Variants in USP15 observed in about 807,000 individuals in gnomAD.
USP15 encodes ubiquitin specific peptidase 15.
Under a neutral mutation model 127.1 loss-of-function variants are expected in USP15, and 18 were observed. The observed-to-expected ratio is 0.14, with a 90% confidence interval of 0.10 to 0.21. USP15 has a LOEUF of 0.21. Among genes scored for constraint, USP15 ranks in the 10% least tolerant of loss-of-function variants. USP15 has a pLI of 1.00. For missense variants in USP15, 805 were observed against 1,159.9 expected, an observed-to-expected ratio of 0.69 and a Z score of 4.44; for synonymous variants, 364 against 393.7, an observed-to-expected ratio of 0.92 and a Z score of 0.89.
intron 8 of USP15, among the ~76,000 whole-genome samples, chr12:62,360,977 T>G (rs35634758): frequency 0.45 from 67,862 of 151,576 alleles, 16,133 homozygotes; most frequent in African/African-American, 0.59. Flanking sequence ...AAAAAAAATG[T>G]AAACAACCTT....
chr12:62,302,970 C>G, intron 3 of USP15, 50 bp downstream of exon 3: 3 of 1,552,766 alleles, frequency 1.9e-6, no homozygotes, highest in Non-Finnish European at 2.6e-6. Context: ...TTGATTAGTT[C>G]ACATTTTATT....
chr12:62,307,361 TTTC>T (rs2064516199), intron 3 of USP15, among the ~76,000 whole-genome samples: 1 of 152,172 alleles, frequency 6.6e-6, no homozygotes, highest in Non-Finnish European at 1.5e-5. Context: ...AGTCAAGGAA[TTTC>T]TAGTATTTGT....
intron 7 of USP15, among the ~76,000 whole-genome samples, chr12:62,353,569 T>C (rs751758233): frequency 5.9e-5 from 9 of 152,034 alleles, no homozygotes; most frequent in Non-Finnish European, 8.8e-5. Flanking sequence ...CAGAAGTTTT[T>C]TCTTCTCTGT....
intron 1 of USP15, among the ~76,000 whole-genome samples, chr12:62,268,728 A>G (rs560502802): frequency 6.6e-6 from 1 of 152,126 alleles, no homozygotes; most frequent in Non-Finnish European, 1.5e-5. Context: ...TTTAAAATAT[A>G]TATGTATATA....
rs897543304 is a variant in USP15 at position 62,415,114 on chromosome 12, G to A, written c.*10739G>A. 6.6e-6 allele frequency: 1 copy of A among 152,078 alleles called. No homozygotes were observed. Among genetic ancestry groups the A allele is most frequent in the Non-Finnish European group, 1.5e-5 (1 of 68,012 alleles). 9.4% of individuals were successfully genotyped at this position (152,078 alleles called of 1,614,324 possible). ...GGCTGGAGACCCAGGAATGCCAATGGTGTAGTTCAAGTCCGAGTCCAAAGG... is the reference window on the plus strand; with the variant it reads ...GGCTGGAGACCCAGGAATGCCAATGATGTAGTTCAAGTCCGAGTCCAAAGG... On this transcript the variant is annotated 3_prime_UTR_variant, in exon 22 of 22. Coordinates refer to ENST00000280377, the MANE Select transcript of USP15 (RefSeq NM_001252078.2).
chr12:62,404,145 C>T (rs975452231), intron 21 of USP15, 48 bp from the exon 22 acceptor site: 12 of 1,500,490 alleles, frequency 8.0e-6, no homozygotes, highest in African/African-American at 2.8e-5. Context: ...ATGTATTTAA[C>T]GTGATCTTTG....
chr12:62,309,159 CAGTAA>C (rs3057387), intron 3 of USP15, among the ~76,000 whole-genome samples: 33,807 of 151,528 alleles, frequency 0.22, 4,041 homozygotes, highest in African/African-American at 0.33. Flanking sequence ...GAAATTAGAC[CAGTAA>C]AGTAAAGATG....
At chr12:62,383,268 T>G (rs2067044120) in intron 9 of USP15, among the ~76,000 whole-genome samples, 1 of 151,972 alleles carries the variant, frequency 6.6e-6, no homozygotes, top group South Asian at 2.1e-4. Context: ...TCACAACATT[T>G]TCGTCAACCA....
chr12:62,363,701 T>G (rs937452113), intron 8 of USP15, among the ~76,000 whole-genome samples: 1 of 151,966 alleles, frequency 6.6e-6, no homozygotes. Flanking sequence ...CCCCGTGCTC[T>G]CTCTCTCCCT....
At chr12:62,303,069 T>C (rs1592540216) in intron 3 of USP15, 149 bp downstream of exon 3, 17 of 825,238 alleles carry the variant, frequency 2.1e-5, no homozygotes, top group Non-Finnish European at 2.9e-5. Context: ...TAATGGCAAG[T>C]AACATGTTAA....
chr12:62,330,388 A>G lies in USP15; in HGVS notation c.683+4455A>G, dbSNP rs1352260436. ...CAGATCATTTGAGGTCAGGATTTCA[A>G]AACCAGCCTGATCAACATGGTGAAA... is the stretch of plus-strand genomic sequence containing the variant. On this transcript the variant is annotated intron_variant, in intron 6 of 21. Transcript: ENST00000280377. Among the ~76,000 whole-genome samples, 4 of 151,832 alleles carry G rather than the reference A, an allele frequency of 2.6e-5. 1 individual carries two copies. Among genetic ancestry groups the G allele is most frequent in the Admixed American group, 2.0e-4 (3 of 15,232 alleles).
intron 3 of USP15, chr12:62,304,661 C>A (rs369591329): frequency 4.5e-6 from 2 of 444,112 alleles, no homozygotes; most frequent in Non-Finnish European, 9.0e-6. Context: ...CTCTAAAATG[C>A]GTCATTTATA....
chr12:62,376,273 T>C (rs1565897586), intron 8 of USP15, among the ~76,000 whole-genome samples: 1 of 152,128 alleles, frequency 6.6e-6, no homozygotes, highest in Non-Finnish European at 1.5e-5. Context: ...TTTTTTCTTT[T>C]TCTCTTTTTC....
intron 8 of USP15, among the ~76,000 whole-genome samples, chr12:62,376,181 A>G (rs1156760030): frequency 7.5e-6 from 1 of 134,166 alleles, no homozygotes; most frequent in African/African-American, 2.5e-5. Flanking sequence ...TTTGTGTGCT[A>G]ATAACTTACA....
At chr12:62,401,535 A>G (rs1277574461) in intron 21 of USP15, among the ~76,000 whole-genome samples, 1 of 151,972 alleles carries the variant, frequency 6.6e-6, no homozygotes, top group Non-Finnish European at 1.5e-5. Context: ...TTCTAATAAA[A>G]ATAATTAAGT....
intron 2 of USP15, among the ~76,000 whole-genome samples, chr12:62,295,235 G>A (rs1203373690): frequency 6.6e-6 from 1 of 152,120 alleles, no homozygotes; most frequent in African/African-American, 2.4e-5. Flanking sequence ...TGAAAAGAAG[G>A]AACAATCATC....
At chr12:62,296,328 C>G (rs535661542) in intron 2 of USP15, among the ~76,000 whole-genome samples, 21 of 152,332 alleles carry the variant, frequency 1.4e-4, no homozygotes, top group African/African-American at 4.1e-4. Context: ...ACCCACAGAA[C>G]TGTGAACTAA....
chr12:62,332,407 T>C (rs997844146), intron 6 of USP15, among the ~76,000 whole-genome samples: 2 of 152,084 alleles, frequency 1.3e-5, no homozygotes, highest in Non-Finnish European at 2.9e-5. Flanking sequence ...TAAAATTTCA[T>C]TTCTTTTTTT....
chr12:62,276,055 A>G (rs1447168211), intron 1 of USP15, among the ~76,000 whole-genome samples: 1 of 152,130 alleles, frequency 6.6e-6, no homozygotes, highest in African/African-American at 2.4e-5. Context: ...TATTAACATT[A>G]TGATAAAAAT....
Sources: allele counts gnomAD v4.1 joint callset (sites outside exome capture counted in the v4.1 genomes callset), GRCh38; gene constraint gnomAD v4.1.1; transcripts MANE v1.5; gene names NCBI Gene and HGNC (gene_info 2026-07-23, HGNC 2026-07-21).